STK38: variants seen among roughly 807,000 people sequenced by gnomAD.
STK38 encodes the protein serine/threonine-protein kinase 38.
STK38 carries 26 observed loss-of-function variants against 59.0 expected under a neutral mutation model. The observed-to-expected ratio is 0.44, with a 90% CI of 0.32 to 0.61. The LOEUF (loss-of-function observed/expected upper bound fraction) is 0.61, where lower values mean the gene tolerates loss of function less well. STK38 is among the 20% of genes least tolerant of loss of function. The pLI is 0.04. For synonymous variants in STK38, 175 were observed against 176.6 expected, an observed-to-expected ratio of 0.99 and a Z score of 0.07; for missense variants, 433 against 566.0, an observed-to-expected ratio of 0.76 and a Z score of 2.38.
chr6:36,513,928 G>A (rs1194124658), intron 7 of STK38, among the ~76,000 whole-genome samples: 1 of 150,744 alleles, frequency 6.6e-6, no homozygotes, highest in African/African-American at 2.4e-5. Context: ...GGCCAAGGCG[G>A]GCAGATCACA....
chr6:36,498,542 G>C, intron 10 of STK38, 56 bp from the exon 11 acceptor site: 17 of 1,554,256 alleles, frequency 1.1e-5, no homozygotes, highest in Non-Finnish European at 1.4e-5. Flanking sequence ...GAATCTGACC[G>C]AGATTACTCT....
intron 7 of STK38, among the ~76,000 whole-genome samples, chr6:36,512,045 TGA>T (rs1481868611): frequency 2.0e-5 from 3 of 151,884 alleles, no homozygotes; most frequent in Non-Finnish European, 2.9e-5. Context: ...GGTGACAGAG[TGA>T]GACTCCACCT....
chr6:36,544,854 A>G (rs1778021952), intron 1 of STK38, among the ~76,000 whole-genome samples: 1 of 152,160 alleles, frequency 6.6e-6, no homozygotes, highest in South Asian at 2.1e-4. Flanking sequence ...CCTGGGACAG[A>G]GCAAGACTCT....
At chr6:36,518,927 C>A (rs897267667) in intron 5 of STK38, among the ~76,000 whole-genome samples, 1 of 152,152 alleles carries the variant, frequency 6.6e-6, no homozygotes, top group Non-Finnish European at 1.5e-5. Flanking sequence ...CAAATTTAGT[C>A]CATGGCTGTT....
chr6:36,532,706 C>A (rs966015925), intron 2 of STK38, among the ~76,000 whole-genome samples: 58 of 152,090 alleles, frequency 3.8e-4, no homozygotes, highest in African/African-American at 1.4e-3. Flanking sequence ...CAAGACCAGA[C>A]TGGCCAACAT....
Position 36,525,583 on chromosome 6 carries a change from T to C in STK38, c.183+8A>G. 6.2e-7 allele frequency: 1 copy of C among 1,612,952 alleles called. No individual in the cohort carries two copies. Among genetic ancestry groups the C allele is most frequent in the Non-Finnish European group, 8.5e-7 (1 of 1,179,108 alleles). Reference sequence around the variant, plus strand: ...GGTTTTAAGGAAAACATTGCCAATATTAATTACCTCCTCATCTTTTAGGCC... The same window carrying C: ...GGTTTTAAGGAAAACATTGCCAATACTAATTACCTCCTCATCTTTTAGGCC... On this transcript the variant is annotated splice_region_variant and intron_variant, in intron 3 of 13. Transcript: ENST00000229812.
chr6:36,546,785 G>T (rs562951287), intron 1 of STK38, among the ~76,000 whole-genome samples: 1 of 152,152 alleles, frequency 6.6e-6, no homozygotes, highest in African/African-American at 2.4e-5. Flanking sequence ...CGACATCTCT[G>T]CCTCAGACCA....
chr6:36,519,219 G>C (rs899325293), intron 5 of STK38, among the ~76,000 whole-genome samples: 1 of 152,004 alleles, frequency 6.6e-6, no homozygotes, highest in East Asian at 1.9e-4. Context: ...GTATTGGGGT[G>C]GGAAAAAATG....
At chr6:36,539,385 C>CA (rs11296767) in intron 2 of STK38, among the ~76,000 whole-genome samples, 1,561 of 108,868 alleles carry the variant, frequency 0.014, 15 homozygotes, top group Admixed American at 0.018. Context: ...GATTCGATCT[C>CA]AAAAAAAAAA....
At chr6:36,501,561 T>C (rs1776840235) in intron 9 of STK38, among the ~76,000 whole-genome samples, 1 of 151,516 alleles carries the variant, frequency 6.6e-6, no homozygotes, top group African/African-American at 2.4e-5. Flanking sequence ...GTCTTTTTTT[T>C]TTTTTTTGAG....
chr6:36,499,732 T>A, intron 10 of STK38, 141 bp downstream of exon 10: 1 of 707,756 alleles, frequency 1.4e-6, no homozygotes, highest in Middle Eastern at 2.4e-4. Context: ...CTGAAAGAGG[T>A]GTCATCTGTC....
chr6:36,544,364 G>T (rs956576076), intron 1 of STK38, among the ~76,000 whole-genome samples: 1 of 151,898 alleles, frequency 6.6e-6, no homozygotes, highest in African/African-American at 2.4e-5. Context: ...ACCTCTGTTT[G>T]GTTTGTGAAG....
intron 9 of STK38, among the ~76,000 whole-genome samples, chr6:36,505,396 G>A (rs894909700): frequency 2.6e-5 from 4 of 152,182 alleles, no homozygotes. Context: ...CTAAACTGAA[G>A]ATTTCCCAAG....
chr6:36,504,930 A>AG (rs1215604168), intron 9 of STK38, among the ~76,000 whole-genome samples: 1 of 150,154 alleles, frequency 6.7e-6, no homozygotes, highest in Non-Finnish European at 1.5e-5. Flanking sequence ...AAAGAAAGAA[A>AG]GAAAAGAAAG....
At chr6:36,509,075 C>T (rs1179312128) in intron 7 of STK38, among the ~76,000 whole-genome samples, 6 of 152,208 alleles carry the variant, frequency 3.9e-5, no homozygotes, top group African/African-American at 7.2e-5. Flanking sequence ...TGCAACACGG[C>T]GAGCAAGGGA....
intron 9 of STK38, among the ~76,000 whole-genome samples, chr6:36,502,591 T>C (rs1323603771): frequency 1.3e-5 from 2 of 152,204 alleles, no homozygotes; most frequent in African/African-American, 4.8e-5. Context: ...TTACCAAAAG[T>C]AAATATGTCA....
rs527766075 is a variant in STK38 at position 36,532,207 on chromosome 6, G to A, written c.132-6565C>T. On this transcript the variant is annotated intron_variant, in intron 2 of 13. Transcript: ENST00000229812. ...TGCTTGTAATCCCAACACTCTGGGA[G>A]GCTAAGGATGGCTTGAGCCCAGGAG... is the stretch of plus-strand genomic sequence containing the variant. 2.6e-5 allele frequency among the ~76,000 whole-genome samples: 4 copies of A among 151,760 alleles called. No homozygotes were observed. In the South Asian group the frequency reaches 8.3e-4, roughly 32 times the overall value.
rs60162863 is a variant in STK38, at chr6:36,527,207, A to AAAAAAAT, written c.132-1566_132-1565insATTTTTT. Among the ~76,000 whole-genome samples the AAAAAAAT allele has an allele frequency of 7.2e-4, 86 of 119,344 alleles. 2 individuals are homozygous for AAAAAAAT. Among genetic ancestry groups the AAAAAAAT allele is most frequent in the African/African-American group, 1.0e-3 (30 of 28,588 alleles). The allele number at this position is 119,344 out of a possible 152,430, so 78.3% of individuals were successfully genotyped here. ...ACTCCGTCTCAAAAAAAAAAAAAAA[A>AAAAAAAT]ATATATGTATATATATATATATTTA... On this transcript the variant is annotated intron_variant, in intron 2 of 13. Coordinates refer to ENST00000229812, the MANE Select transcript of STK38 (RefSeq NM_007271.4).
At chr6:36,501,650 C>T (rs918509358) in intron 9 of STK38, among the ~76,000 whole-genome samples, 1 of 149,518 alleles carries the variant, frequency 6.7e-6, no homozygotes, top group Non-Finnish European at 1.5e-5. Context: ...GTCACAAACT[C>T]CTGACCTCAA....
Sources: gnomAD v4.1 joint callset for allele counts (sites outside exome capture counted in the v4.1 genomes callset) on GRCh38, gnomAD v4.1.1 for gene constraint, MANE v1.5 for transcripts, NCBI Gene and HGNC (gene_info 2026-07-23, HGNC 2026-07-21) for gene names.